SOX6: variants seen among roughly 807,000 people sequenced by gnomAD.
SOX6 encodes SRY-box transcription factor 6.
In SOX6, 11 loss-of-function variants were observed where a neutral mutation model predicts 97.8. The ratio of observed to expected loss-of-function variants is 0.11; its 90% CI spans 0.07 to 0.19. The LOEUF is 0.19. Among genes scored for constraint, SOX6 ranks in the 10% least tolerant of loss-of-function variants. The pLI, the probability that SOX6 is intolerant of heterozygous loss-of-function variation, is 1.00. For synonymous variants in SOX6, 360 were observed against 371.4 expected (o/e 0.97, Z 0.35); for missense variants, 810 against 1,039.5 (o/e 0.78, Z 3.04).
At position 16,678,218 on chromosome 11, in the gene SOX6, A is replaced by G. The variant is rs550784185; in HGVS notation, n.429+36612T>C. Among the ~76,000 whole-genome samples the G allele has an allele frequency of 2.0e-5, 3 of 151,878 alleles. No homozygotes were observed. The South Asian group carries it at 6.2e-4, about 32-fold the overall frequency. ...GGGTTTAGTTTGCTTGTCTTTCTCT[A>G]TTTCATAATGTGGATCTAAAGTGAT... On this transcript the variant is annotated intron_variant and non_coding_transcript_variant, in intron 3 of 5. Coordinates refer to the SOX6 transcript ENST00000524520.
chr11:16,351,700 T>C (rs1856952315), intron 1 of SOX6, among the ~76,000 whole-genome samples: 1 of 152,096 alleles, frequency 6.6e-6, no homozygotes, highest in Admixed American at 6.6e-5. Context: ...TTTCCTTTCT[T>C]AGTGTTAGGA....
At chr11:16,643,896 C>T (rs1319454005) in intron 3 of SOX6, among the ~76,000 whole-genome samples, 10 of 146,382 alleles carry the variant, frequency 6.8e-5, no homozygotes, top group South Asian at 4.4e-4. Context: ...AGCTCACACT[C>T]GGTGCACTGC....
intron 3 of SOX6, 73 bp downstream of exon 3, chr11:16,318,371 ACT>A: frequency 8.1e-7 from 1 of 1,230,424 alleles, no homozygotes; most frequent in Non-Finnish European, 1.2e-6. Context: ...TTGAAATCCC[ACT>A]TTTTTTTTTT....
intron 3 of SOX6, among the ~76,000 whole-genome samples, chr11:16,237,927 C>T (rs1590053943): frequency 2.0e-5 from 3 of 151,806 alleles, no homozygotes; most frequent in African/African-American, 7.2e-5. Context: ...AATAAAGAAT[C>T]ACAACATTAC....
intron 6 of SOX6, among the ~76,000 whole-genome samples, chr11:16,132,387 AAAGAAAGAAAG>A (rs1564972196): frequency 8.2e-5 from 8 of 97,144 alleles, no homozygotes; most frequent in African/African-American, 3.2e-4. Flanking sequence ...AGAAAGAAAG[AAAGAAAGAAAG>A]AAAAAAGAAA....
chr11:16,706,471 AATATATATATATATAT>A lies in SOX6; in HGVS notation n.429+8343_429+8358del, dbSNP rs1157835806. On this transcript the variant is annotated intron_variant and non_coding_transcript_variant, in intron 3 of 5. Coordinates refer to the SOX6 transcript ENST00000524520. ...TCACAAAAAAAAAAAAAAAAAAAAA[AATATATATATATATAT>A]ATATATATATATATATATATATATA... is the stretch of plus-strand genomic sequence containing the variant. Among the ~76,000 whole-genome samples the A allele has an allele frequency of 4.1e-3, 90 of 22,202 alleles. 1 individual carries two copies. The highest frequency in any genetic ancestry group is 0.024 in the Middle Eastern group (1 of 42). The allele number at this position is 22,202 out of a possible 152,430, so 14.6% of individuals were successfully genotyped here.
At chr11:16,223,505 T>C (rs1336745362) in intron 4 of SOX6, among the ~76,000 whole-genome samples, 1 of 152,104 alleles carries the variant, frequency 6.6e-6, no homozygotes, top group African/African-American at 2.4e-5. Context: ...TGAGTCATAA[T>C]CCAATCTATA....
intron 3 of SOX6, among the ~76,000 whole-genome samples, chr11:16,706,551 G>A (rs1848138145): frequency 8.6e-6 from 1 of 116,506 alleles, no homozygotes; most frequent in Non-Finnish European, 1.7e-5. Context: ...TCTAGTAATG[G>A]TCATGTTTAG....
At chr11:16,576,544 A>C (rs1847986235) in intron 4 of SOX6, among the ~76,000 whole-genome samples, 1 of 152,214 alleles carries the variant, frequency 6.6e-6, no homozygotes, top group Non-Finnish European at 1.5e-5. Context: ...TAATATCATA[A>C]AATGATGTTT....
chr11:16,256,707 C>T (rs1033788763), intron 3 of SOX6, among the ~76,000 whole-genome samples: 1 of 151,662 alleles, frequency 6.6e-6, no homozygotes, highest in African/African-American at 2.4e-5. Context: ...CTAGCTAATG[C>T]AGTTTAAAAA....
chr11:16,080,015 A>G (rs1362467369), intron 9 of SOX6, among the ~76,000 whole-genome samples: 1 of 148,904 alleles, frequency 6.7e-6, no homozygotes, highest in Non-Finnish European at 1.5e-5. Context: ...AAAAATTCCT[A>G]TAGCAGGTAA....
At chr11:16,449,600 T>G (rs907628081) in intron 1 of SOX6, among the ~76,000 whole-genome samples, 3 of 152,136 alleles carry the variant, frequency 2.0e-5, no homozygotes, top group Non-Finnish European at 4.4e-5. Context: ...CCGCCCCTTC[T>G]TTATTTTTAA....
intron 3 of SOX6, among the ~76,000 whole-genome samples, chr11:16,691,557 G>A (rs1036886733): frequency 1.6e-4 from 25 of 152,298 alleles, no homozygotes; most frequent in African/African-American, 5.3e-4. Context: ...CAGCATTTTC[G>A]AGGCTGATGC....
At chr11:16,159,747 A>G (rs1256164190) in intron 6 of SOX6, among the ~76,000 whole-genome samples, 1 of 152,182 alleles carries the variant, frequency 6.6e-6, no homozygotes, top group East Asian at 1.9e-4. Context: ...TTCTATTGAC[A>G]TTTATTGGCT....
At chr11:16,687,919 C>G (rs1285649482) in intron 3 of SOX6, among the ~76,000 whole-genome samples, 1 of 152,074 alleles carries the variant, frequency 6.6e-6, no homozygotes, top group Non-Finnish European at 1.5e-5. Context: ...ATCTTTGTTT[C>G]TCTATAAATA....
Position 16,653,135 on chromosome 11 carries a change from G to A in SOX6, n.430-40875C>T, listed in dbSNP as rs572577028. ...AAAAATAATAGATGTTGGCATGGATGCAGTGAAAAGGGAACACTTACACAC... is the reference window on the plus strand; with the variant it reads ...AAAAATAATAGATGTTGGCATGGATACAGTGAAAAGGGAACACTTACACAC... On this transcript the variant is annotated intron_variant and non_coding_transcript_variant, in intron 3 of 5. Transcript: ENST00000524520. Among the ~76,000 whole-genome samples the A allele has an allele frequency of 1.1e-4, 17 of 152,312 alleles. No individual in the cohort carries two copies. In the South Asian group the frequency reaches 1.7e-3, roughly 15 times the overall value.
chr11:16,511,117 C>T (rs566536333), intron 4 of SOX6, among the ~76,000 whole-genome samples: 13 of 152,224 alleles, frequency 8.5e-5, no homozygotes, highest in South Asian at 4.1e-4. Context: ...TTCTAATTGA[C>T]GACTTCTTAC....
intron 3 of SOX6, among the ~76,000 whole-genome samples, chr11:16,287,626 T>G (rs1441055499): frequency 6.6e-6 from 1 of 152,126 alleles, no homozygotes; most frequent in Non-Finnish European, 1.5e-5. Flanking sequence ...TTTCCTCATT[T>G]CTAGAATAGC....
At chr11:16,301,749 C>T (rs929916022) in intron 3 of SOX6, among the ~76,000 whole-genome samples, 1 of 151,898 alleles carries the variant, frequency 6.6e-6, no homozygotes, top group African/African-American at 2.4e-5. Context: ...ATTGTTGCAA[C>T]CTGAAAGCAA....
Sources: gnomAD v4.1 joint callset for allele counts (sites outside exome capture counted in the v4.1 genomes callset) on GRCh38, gnomAD v4.1.1 for gene constraint, MANE v1.5 for transcripts, NCBI Gene and HGNC (gene_info 2026-07-23, HGNC 2026-07-21) for gene names.